The following MCC variants were observed in gnomAD, a reference collection of about 807,000 sequenced individuals.
MCC encodes the protein colorectal mutant cancer protein.
Under a neutral mutation model 116.2 loss-of-function variants are expected in MCC, and 90 were observed. The ratio of observed to expected loss-of-function variants is 0.77; its 90% CI spans 0.65 to 0.92. MCC has a LOEUF of 0.92. Among genes scored for constraint, MCC ranks in the 40% least tolerant of loss-of-function variants. The pLI is 0.00. For synonymous variants in MCC, 578 were observed against 510.5 expected, an observed-to-expected ratio of 1.13 and a Z score of -1.78; for missense variants, 1,516 against 1,312.2, an observed-to-expected ratio of 1.16 and a Z score of -2.40.
At chr5:113,412,682 G>A (rs1170174521) in intron 1 of MCC, among the ~76,000 whole-genome samples, 4 of 152,180 alleles carry the variant, frequency 2.6e-5, no homozygotes, top group Admixed American at 2.6e-4. Flanking sequence ...CTGAGATGAT[G>A]GGGTTTTCTA....
At chr5:113,460,556 G>T (rs1186895353) in intron 1 of MCC, among the ~76,000 whole-genome samples, 1 of 152,186 alleles carries the variant, frequency 6.6e-6, no homozygotes, top group Non-Finnish European at 1.5e-5. Flanking sequence ...ACAAGCTGTG[G>T]GGAACTGTGT....
intron 5 of MCC, among the ~76,000 whole-genome samples, chr5:113,126,046 T>C (rs767946702): frequency 6.6e-6 from 1 of 152,230 alleles, no homozygotes; most frequent in Admixed American, 6.5e-5. Flanking sequence ...AATAATGGAA[T>C]GACAAAGTTC....
At chr5:113,469,845 G>C (rs1238829224) in intron 1 of MCC, among the ~76,000 whole-genome samples, 1 of 151,964 alleles carries the variant, frequency 6.6e-6, no homozygotes, top group Non-Finnish European at 1.5e-5. Context: ...CTAAGGACTT[G>C]CTTTATGAAT....
Position 113,154,527 on chromosome 5 carries a change from T to A in MCC, c.628-3105A>T, listed in dbSNP as rs1760064787. 2.0e-5 allele frequency among the ~76,000 whole-genome samples: 3 copies of A among 152,222 alleles called. No homozygotes were observed. In the South Asian group the frequency reaches 6.2e-4, roughly 32 times the overall value. On this transcript the variant is annotated intron_variant, in intron 3 of 18. Transcript: ENST00000408903. Reference sequence around the variant, plus strand: ...GTGCTGGACACTCAATCTCTGTGCGTTTGAGTTCAGTGGCACTCCCTGTCC... The same window carrying A: ...GTGCTGGACACTCAATCTCTGTGCGATTGAGTTCAGTGGCACTCCCTGTCC...
chr5:113,145,769 CACACACACACACACAAA>C (rs1362271947), intron 4 of MCC, among the ~76,000 whole-genome samples: 6,922 of 51,288 alleles, frequency 0.13, 269 homozygotes, highest in East Asian at 0.29. Flanking sequence ...CACACACACA[CACACACACACACACAAA>C]CACACACACA....
chr5:113,289,576 C>T (rs1387823931), intron 3 of MCC, among the ~76,000 whole-genome samples: 4 of 152,066 alleles, frequency 2.6e-5, no homozygotes, highest in African/African-American at 9.7e-5. Context: ...AGAACAGGCA[C>T]CTTTACCTCC....
At chr5:113,079,338 C>A (rs1019352440) in intron 11 of MCC, among the ~76,000 whole-genome samples, 1 of 152,154 alleles carries the variant, frequency 6.6e-6, no homozygotes, top group Non-Finnish European at 1.5e-5. Flanking sequence ...AAAAAAGAGC[C>A]CACATTGCTA....
At chr5:113,227,688 T>C (rs1313850548) in intron 3 of MCC, among the ~76,000 whole-genome samples, 3 of 152,210 alleles carry the variant, frequency 2.0e-5, no homozygotes, top group African/African-American at 7.2e-5. Flanking sequence ...GGCTTATAAA[T>C]TTTTCATAAG....
Position 113,092,035 on chromosome 5 carries a change from C to A in MCC, c.1399-6725G>T, listed in dbSNP as rs537358111. ...CCTTCAACAGGGACTGACACAGTCT[C>A]AATAAAATCTATTGAATGCCACTAA... On this transcript the variant is annotated intron_variant, in intron 8 of 18. Coordinates refer to ENST00000408903, the MANE Select transcript of MCC (RefSeq NM_001085377.2). Among the ~76,000 whole-genome samples, 14 of 152,200 alleles carry A rather than the reference C, an allele frequency of 9.2e-5. No homozygotes were observed. The South Asian group carries it at 2.9e-3, about 32-fold the overall frequency.
At chr5:113,217,708 G>A (rs935861995) in intron 3 of MCC, among the ~76,000 whole-genome samples, 5 of 150,932 alleles carry the variant, frequency 3.3e-5, no homozygotes, top group African/African-American at 9.9e-5. Context: ...CTGATGCTCC[G>A]GTTGCATGAC....
chr5:113,133,482 T>A (rs1272559598), intron 5 of MCC, among the ~76,000 whole-genome samples: 1 of 151,838 alleles, frequency 6.6e-6, no homozygotes, highest in Non-Finnish European at 1.5e-5. Context: ...TTTTTTTTTT[T>A]ATAGCTGATA....
intron 2 of MCC, among the ~76,000 whole-genome samples, chr5:113,375,905 C>A (rs556897649): frequency 1.2e-4 from 19 of 152,182 alleles, no homozygotes; most frequent in African/African-American, 4.1e-4. Flanking sequence ...GGAAAAGCTG[C>A]AAAATATTGT....
intron 3 of MCC, among the ~76,000 whole-genome samples, chr5:113,324,352 A>G (rs2150372300): frequency 6.6e-6 from 1 of 152,342 alleles, no homozygotes; most frequent in East Asian, 1.9e-4. Flanking sequence ...AATTATGCAG[A>G]TAATATTCAC....
intron 7 of MCC, among the ~76,000 whole-genome samples, chr5:113,103,679 G>A (rs773346185): frequency 1.2e-4 from 18 of 152,112 alleles, no homozygotes; most frequent in Admixed American, 3.9e-4. Context: ...ACTAAGTTAC[G>A]TTGAAGGAAT....
At chr5:113,191,960 C>T (rs1428538113) in intron 3 of MCC, among the ~76,000 whole-genome samples, 2 of 152,186 alleles carry the variant, frequency 1.3e-5, no homozygotes, top group African/African-American at 4.8e-5. Context: ...AGTTAGGTTA[C>T]CACCATGCAC....
At chr5:113,290,179 C>G (rs770317546) in intron 3 of MCC, among the ~76,000 whole-genome samples, 4 of 152,190 alleles carry the variant, frequency 2.6e-5, no homozygotes, top group African/African-American at 7.2e-5. Flanking sequence ...TTACTCAACA[C>G]GCAAATGGTG....
chr5:113,298,097 C>T (rs1008535498), intron 3 of MCC, among the ~76,000 whole-genome samples: 3 of 151,958 alleles, frequency 2.0e-5, no homozygotes, highest in Admixed American at 6.6e-5. Context: ...TAAATAAAAC[C>T]GTGAAATCAG....
intron 1 of MCC, among the ~76,000 whole-genome samples, chr5:113,475,436 G>A (rs1772212002): frequency 6.6e-6 from 1 of 152,184 alleles, no homozygotes; most frequent in South Asian, 2.1e-4. Context: ...TAGGTCCAAA[G>A]AGTCCTTCTA....
chr5:113,327,561 A>ATATATATATATAT (rs1554076392), intron 3 of MCC, among the ~76,000 whole-genome samples: 300 of 80,322 alleles, frequency 3.7e-3, no homozygotes, highest in Non-Finnish European at 5.5e-3. Context: ...AAAAAAAAAA[A>ATATATATATATAT]ATATATATAT....
Sources: allele counts gnomAD v4.1 joint callset (sites outside exome capture counted in the v4.1 genomes callset), GRCh38; gene constraint gnomAD v4.1.1; transcripts MANE v1.5; gene names NCBI Gene and HGNC (gene_info 2026-07-23, HGNC 2026-07-21).